The following JAKMIP2 variants were observed in gnomAD, a reference collection of about 807,000 sequenced individuals.
JAKMIP2 encodes the protein janus kinase and microtubule-interacting protein 2.
Under a neutral mutation model 115.0 loss-of-function variants are expected in JAKMIP2, and 25 were observed. The observed-to-expected ratio is 0.22, with a 90% CI of 0.16 to 0.30. JAKMIP2 has a LOEUF of 0.30. Among genes scored for constraint, JAKMIP2 ranks in the 10% least tolerant of loss-of-function variants. The pLI, the probability that JAKMIP2 is intolerant of heterozygous loss-of-function variation, is 1.00. For synonymous variants in JAKMIP2, 334 were observed against 343.6 expected (o/e 0.97, Z 0.31); for missense variants, 642 against 957.6 (o/e 0.67, Z 4.35).
chr5:147,710,607 T>C (rs1752740899), intron 1 of JAKMIP2, among the ~76,000 whole-genome samples: 1 of 152,108 alleles, frequency 6.6e-6, no homozygotes, highest in African/African-American at 2.4e-5. Flanking sequence ...CTTCTCAGGG[T>C]TGTTGTGAGG....
At chr5:147,647,680 A>G (rs1758193260) in intron 5 of JAKMIP2, among the ~76,000 whole-genome samples, 1 of 152,200 alleles carries the variant, frequency 6.6e-6, no homozygotes, top group Non-Finnish European at 1.5e-5. Flanking sequence ...TGTATGTTGG[A>G]AAAGATATGG....
Position 147,691,592 on chromosome 5 carries a change from C to A in JAKMIP2, c.-148-19638G>T, listed in dbSNP as rs576542685. ...GCACAAAGCTGGGATTTAACCCAAGCCTTCTCCCGAACCTTGTGTTCATAT... is the reference window on the plus strand; with the variant it reads ...GCACAAAGCTGGGATTTAACCCAAGACTTCTCCCGAACCTTGTGTTCATAT... On this transcript the variant is annotated intron_variant, in intron 1 of 21. Coordinates refer to ENST00000616793, the MANE Select transcript of JAKMIP2 (RefSeq NM_001270941.2). Among the ~76,000 whole-genome samples, 121 of 152,322 alleles carry A rather than the reference C, an allele frequency of 7.9e-4. 1 individual carries two copies. Among genetic ancestry groups the A allele is most frequent in the African/African-American group, 2.8e-3 (117 of 41,594 alleles).
chr5:147,617,829 C>T (rs1244039201), intron 19 of JAKMIP2, 82 bp downstream of exon 19: 8 of 1,090,402 alleles, frequency 7.3e-6, no homozygotes, highest in Middle Eastern at 2.2e-4. Flanking sequence ...CTTCTCCGTA[C>T]CCATACTCAA....
chr5:147,711,779 G>A lies in JAKMIP2; in HGVS notation c.-148-39825C>T, dbSNP rs565267308. On this transcript the variant is annotated intron_variant, in intron 1 of 21. Transcript: ENST00000616793. ...ACCTCCTGGGTTGAAGCGATTCTCC[G>A]GCCTCAGCCTCTCCAGTAGCAAGGA... 8.5e-5 allele frequency among the ~76,000 whole-genome samples: 13 copies of A among 152,174 alleles called. No homozygotes were observed. In the East Asian group the frequency reaches 2.3e-3, roughly 27 times the overall value.
chr5:147,591,770 A>C, intron 21 of JAKMIP2, 84 bp from the exon 22 acceptor site: 1 of 845,726 alleles, frequency 1.2e-6, no homozygotes, highest in Admixed American at 2.3e-5. Flanking sequence ...AAAAAGACAC[A>C]AATTTTTTAT....
Position 147,666,583 on chromosome 5 carries a change from G to T in JAKMIP2, c.129+5095C>A, listed in dbSNP as rs1759309340. ...GTAGGAAGTCTTTGTTTCATCACAA[G>T]TTGTGATAAGAAAAGTGAGAAACAG... On this transcript the variant is annotated intron_variant, in intron 2 of 21. Coordinates refer to ENST00000616793, the MANE Select transcript of JAKMIP2 (RefSeq NM_001270941.2). Among the ~76,000 whole-genome samples the T allele has an allele frequency of 2.0e-5, 3 of 152,198 alleles. No homozygotes were observed. The South Asian group carries it at 6.2e-4, about 32-fold the overall frequency.
chr5:147,675,292 G>A (rs1000428924), intron 1 of JAKMIP2, among the ~76,000 whole-genome samples: 2 of 152,072 alleles, frequency 1.3e-5, no homozygotes, highest in Non-Finnish European at 2.9e-5. Context: ...AGCATCACAG[G>A]AAGTTATTGA....
At chr5:147,713,588 G>C (rs1161285456) in intron 1 of JAKMIP2, among the ~76,000 whole-genome samples, 3 of 152,108 alleles carry the variant, frequency 2.0e-5, no homozygotes. Context: ...TAAAAGGCTA[G>C]GAGAAAAACT....
chr5:147,653,271 T>A (rs1758499684), intron 3 of JAKMIP2, among the ~76,000 whole-genome samples: 1 of 152,198 alleles, frequency 6.6e-6, no homozygotes. Flanking sequence ...TCTAGATCCC[T>A]GAGGAATAAC....
chr5:147,692,720 T>C (rs1213618474), intron 1 of JAKMIP2, among the ~76,000 whole-genome samples: 1 of 152,164 alleles, frequency 6.6e-6, no homozygotes, highest in African/African-American at 2.4e-5. Context: ...GTGCAGCACT[T>C]GTAATTTTGA....
At chr5:147,707,656 T>C (rs1752631212) in intron 1 of JAKMIP2, among the ~76,000 whole-genome samples, 1 of 152,128 alleles carries the variant, frequency 6.6e-6, no homozygotes. Context: ...TGCTCCAAAA[T>C]TGATAGATAT....
At chr5:147,631,856 T>C (rs1407995424) in intron 13 of JAKMIP2, among the ~76,000 whole-genome samples, 1 of 152,226 alleles carries the variant, frequency 6.6e-6, no homozygotes, top group Non-Finnish European at 1.5e-5. Flanking sequence ...AACAGCCTTT[T>C]GCATATTCAA....
intron 2 of JAKMIP2, among the ~76,000 whole-genome samples, chr5:147,663,898 C>T (rs895229918): frequency 3.3e-5 from 5 of 152,102 alleles, no homozygotes; most frequent in African/African-American, 7.2e-5. Flanking sequence ...TTGTGCTTGT[C>T]CTATGTGGCA....
At chr5:147,735,033 A>G (rs1753869373) in intron 1 of JAKMIP2, among the ~76,000 whole-genome samples, 1 of 152,210 alleles carries the variant, frequency 6.6e-6, no homozygotes, top group African/African-American at 2.4e-5. Flanking sequence ...ACAGAGGGTC[A>G]GACAGGAAAC....
At chr5:147,768,176 C>T (rs966180224) in intron 1 of JAKMIP2, among the ~76,000 whole-genome samples, 1 of 152,048 alleles carries the variant, frequency 6.6e-6, no homozygotes, top group Non-Finnish European at 1.5e-5. Flanking sequence ...TAGATTTTTA[C>T]ATATTTGATA....
chr5:147,770,760 T>C (rs1367268026), intron 1 of JAKMIP2, among the ~76,000 whole-genome samples: 3 of 152,104 alleles, frequency 2.0e-5, no homozygotes, highest in Non-Finnish European at 4.4e-5. Flanking sequence ...ATTTTTGTCT[T>C]TCTTATTTAT....
intron 1 of JAKMIP2, among the ~76,000 whole-genome samples, chr5:147,731,351 C>T (rs1351405413): frequency 1.3e-5 from 2 of 152,200 alleles, no homozygotes; most frequent in Admixed American, 6.5e-5. Context: ...ACTAACTTTA[C>T]ACCTGCTGTC....
At chr5:147,612,459 C>A in intron 19 of JAKMIP2, 88 bp from the exon 20 acceptor site, 1 of 692,072 alleles carries the variant, frequency 1.4e-6, no homozygotes, top group South Asian at 1.9e-5. Flanking sequence ...ACGAAACTTC[C>A]TATACAAACC....
At position 147,597,047 on chromosome 5, in the gene JAKMIP2, AT is replaced by A. The variant is rs34946624; in HGVS notation, c.*20+4693del. On this transcript the variant is annotated intron_variant, in intron 21 of 21. Coordinates refer to ENST00000616793, the MANE Select transcript of JAKMIP2 (RefSeq NM_001270941.2). ...ACCACCATGCCTGGCTAATTTTTGT[AT>A]TTTTTTTTTTTTTTTAGTAGAATGG... Among the ~76,000 whole-genome samples the A allele has an allele frequency of 1.4e-3, 203 of 145,300 alleles. 1 individual carries two copies. Among genetic ancestry groups the A allele is most frequent in the African/African-American group, 1.8e-3 (70 of 39,406 alleles).
Sources: gnomAD v4.1 joint callset for allele counts (sites outside exome capture counted in the v4.1 genomes callset) on GRCh38, gnomAD v4.1.1 for gene constraint, MANE v1.5 for transcripts, NCBI Gene and HGNC (gene_info 2026-07-23, HGNC 2026-07-21) for gene names.